The following RPS23 variants were observed in gnomAD, a reference collection of about 807,000 sequenced individuals.
RPS23 encodes ribosomal protein S23.
For missense variants in RPS23, 73 were observed against 174.5 expected, an observed-to-expected ratio of 0.42 and a Z score of 3.28; for synonymous variants, 66 against 60.4, an observed-to-expected ratio of 1.09 and a Z score of -0.43.
rs374894611 is a variant in RPS23, at chr5:82,276,845, C to CAA, written c.165-329_165-328dup. The stretch of plus-strand genomic sequence containing the variant: ...GCCTGTGTGACAAGGGACCCTATCT[C>CAA]AAAAAAAAAAAAAGAAAAAAGAAAA... On this transcript the variant is annotated intron_variant, in intron 2 of 3. Transcript: ENST00000296674. 486 of 133,958 alleles carry CAA rather than the reference C, an allele frequency of 3.6e-3. 24 individuals carry two copies. The highest frequency in any genetic ancestry group is 7.7e-3 in the East Asian group (39 of 5,054). 8.3% of individuals were successfully genotyped at this position (133,958 alleles called of 1,614,324 possible). A position where few individuals can be genotyped will look rare whatever the true frequency, so the allele number is the denominator to read the frequency against.
rs751163687 is a variant in RPS23 at position 82,276,320 on chromosome 5, G to T, written c.286-65C>A. 2.4e-5 allele frequency: 38 copies of T among 1,612,074 alleles called. No individual in the cohort carries two copies. In the South Asian group the frequency reaches 3.8e-4, roughly 16 times the overall value. On this transcript the variant is annotated intron_variant, in intron 3 of 3. Transcript: ENST00000296674. The stretch of plus-strand genomic sequence containing the variant: ...GATCACAAAAATACTTTCATGTGAG[G>T]AAACTCCCTTGCATCAGATAAAAAT...
At chr5:82,276,632 T>C (rs866039338) in intron 2 of RPS23, 114 bp from the exon 3 acceptor site, 1 of 1,352,656 alleles carries the variant, frequency 7.4e-7, no homozygotes. Context: ...TAACCTCAAA[T>C]GGCTGAGCTG....
In RPS23 at chr5:82,275,374, G is replaced by A. The variant is rs114760099; in HGVS notation, c.*735C>T. 1,137 of 700,820 alleles carry A rather than the reference G, an allele frequency of 1.6e-3. 11 individuals are homozygous for A. The African/African-American group carries it at 0.018, about 11-fold the overall frequency. 43.4% of individuals were successfully genotyped at this position (700,820 alleles called of 1,614,324 possible). A position where few individuals can be genotyped will look rare whatever the true frequency, so the allele number is the denominator to read the frequency against. ...AAATTATCAAAACACAACCAATCTT[G>A]TCTCTACACTAAACCACTTCATTTG... On this transcript the variant is annotated 3_prime_UTR_variant, in exon 4 of 4. Coordinates refer to ENST00000296674, the MANE Select transcript of RPS23 (RefSeq NM_001025.5).
At position 82,275,044 on chromosome 5, in the gene RPS23, G is replaced by T; in HGVS notation, c.*1065C>A. 1.7e-6 allele frequency: 1 copy of T among 581,510 alleles called. No individual in the cohort carries two copies. The allele number at this position is 581,510 out of a possible 1,614,324, so 36.0% of individuals were successfully genotyped here. On this transcript the variant is annotated 3_prime_UTR_variant, in exon 4 of 4. Transcript: ENST00000296674. ...GCCAAGGAGAGAAATGGCAGGCTAA[G>T]GCTGGAATATGCAGGTATGAAGCGC...
At chr5:82,276,581 A>G in intron 2 of RPS23, 63 bp from the exon 3 acceptor site, 1 of 1,585,696 alleles carries the variant, frequency 6.3e-7, no homozygotes, top group Admixed American at 1.7e-5. Context: ...TTTTCATATT[A>G]ACTAGAGAAC....
Position 82,275,778 on chromosome 5 carries a change from A to C in RPS23, c.*331T>G, listed in dbSNP as rs1747759941. 1 of 278,146 alleles carries C rather than the reference A, an allele frequency of 3.6e-6. No homozygotes were observed. Among genetic ancestry groups the C allele is most frequent in the East Asian group, 7.1e-5 (1 of 14,114 alleles). 17.2% of individuals were successfully genotyped at this position (278,146 alleles called of 1,614,324 possible). ...AAAGAAAGTATCTCACTAGAATTTC[A>C]GTGAGTTTTTGAAGTTCCCTTAAAG... On this transcript the variant is annotated 3_prime_UTR_variant, in exon 4 of 4. Transcript: ENST00000296674.
At position 82,273,793 on chromosome 5, in the gene RPS23, G is replaced by C. The variant is rs1747710963; in HGVS notation, c.*2316C>G. The C allele has an allele frequency of 6.6e-6, 1 of 152,190 alleles. No homozygotes were observed. Among genetic ancestry groups the C allele is most frequent in the Non-Finnish European group, 1.5e-5 (1 of 68,046 alleles). 9.4% of individuals were successfully genotyped at this position (152,190 alleles called of 1,614,324 possible). On this transcript the variant is annotated 3_prime_UTR_variant, in exon 4 of 4. Coordinates refer to ENST00000296674, the MANE Select transcript of RPS23 (RefSeq NM_001025.5). ...GATGATCTTGAACTCCTGGCCTCAA[G>C]CTATTAATTTCTTCCCAACTCAGCC...
intron 2 of RPS23, 46 bp downstream of exon 2, chr5:82,277,647 C>T: frequency 6.3e-7 from 1 of 1,582,774 alleles, no homozygotes; most frequent in Middle Eastern, 2.1e-4. Flanking sequence ...GTTCATGTCT[C>T]GAATTCCTAT....
In RPS23 at chr5:82,275,176, C is replaced by T. The variant is rs554957205; in HGVS notation, c.*933G>A. 4 of 701,056 alleles carry T rather than the reference C, an allele frequency of 5.7e-6. No homozygotes were observed. Among genetic ancestry groups the T allele is most frequent in the South Asian group, 4.5e-5 (3 of 67,272 alleles). The allele number at this position is 701,056 out of a possible 1,614,324, so 43.4% of individuals were successfully genotyped here. A position where few individuals can be genotyped will look rare whatever the true frequency, so the allele number is the denominator to read the frequency against. On this transcript the variant is annotated 3_prime_UTR_variant, in exon 4 of 4. Transcript: ENST00000296674. ...AGATCCTAAACAATGTAAAGCTAGG[C>T]TTTGATCAAAGGGCTAATTAACCCA...
Position 82,276,001 on chromosome 5 carries a change from T to G in RPS23, c.*108A>C. The G allele has an allele frequency of 3.0e-6, 3 of 997,270 alleles. No homozygotes were observed. The highest frequency in any genetic ancestry group is 1.7e-5 in the South Asian group (1 of 59,302). 61.8% of individuals were successfully genotyped at this position (997,270 alleles called of 1,614,324 possible). ...TTAGGATAAAAAAAATAAGGGGGGG[T>G]GGTGGTGGTAATGAACATGATCTTC... On this transcript the variant is annotated 3_prime_UTR_variant, in exon 4 of 4. Transcript: ENST00000296674.
In RPS23 at chr5:82,275,111, A is replaced by G; in HGVS notation, c.*998T>C. 1 of 658,392 alleles carries G rather than the reference A, an allele frequency of 1.5e-6. No homozygotes were observed. The highest frequency in any genetic ancestry group is 1.8e-5 in the African/African-American group (1 of 56,064). 40.8% of individuals were successfully genotyped at this position (658,392 alleles called of 1,614,324 possible). A position where few individuals can be genotyped will look rare whatever the true frequency, so the allele number is the denominator to read the frequency against. ...TGCCATGTGAAAGGTTCTGCTCTTG[A>G]TCCTACGGAAAGTGGGCAACCAAAC... is the stretch of plus-strand genomic sequence containing the variant. On this transcript the variant is annotated 3_prime_UTR_variant, in exon 4 of 4. Coordinates refer to ENST00000296674, the MANE Select transcript of RPS23 (RefSeq NM_001025.5).
intron 1 of RPS23, 64 bp from the exon 2 acceptor site, chr5:82,277,916 A>G: frequency 7.1e-7 from 1 of 1,417,250 alleles, no homozygotes; most frequent in Non-Finnish European, 9.8e-7. Context: ...CCATCTTCTA[A>G]GACACTCGCC....
At chr5:82,278,286 T>C (rs1748015079) in intron 1 of RPS23, 34 bp downstream of exon 1, 5 of 1,588,832 alleles carry the variant, frequency 3.1e-6, no homozygotes, top group East Asian at 2.3e-5. Context: ...CAAGTCCCGC[T>C]TGCAGCGCCC....
rs1246253393 is a variant in RPS23, at chr5:82,277,855, A to G, written c.5-3T>C. 4 of 1,610,212 alleles carry G rather than the reference A, an allele frequency of 2.5e-6. No homozygotes were observed. In the East Asian group the frequency reaches 6.7e-5, roughly 27 times the overall value. On this transcript the variant is annotated splice_polypyrimidine_tract_variant and splice_region_variant and intron_variant, in intron 1 of 3. Transcript: ENST00000296674. Reference sequence around the variant, plus strand: ...AGTACGAAGTCCACGACACTTGCCTAAAAATTAAATATTTTAGTTCTTCCG... The same window carrying G: ...AGTACGAAGTCCACGACACTTGCCTGAAAATTAAATATTTTAGTTCTTCCG...
At position 82,274,894 on chromosome 5, in the gene RPS23, A is replaced by C; in HGVS notation, c.*1215T>G. 1 of 293,234 alleles carries C rather than the reference A, an allele frequency of 3.4e-6. No homozygotes were observed. The highest frequency in any genetic ancestry group is 6.4e-6 in the Non-Finnish European group (1 of 155,538). The allele number at this position is 293,234 out of a possible 1,614,324, so 18.2% of individuals were successfully genotyped here. A position where few individuals can be genotyped will look rare whatever the true frequency, so the allele number is the denominator to read the frequency against. On this transcript the variant is annotated 3_prime_UTR_variant, in exon 4 of 4. Coordinates refer to ENST00000296674, the MANE Select transcript of RPS23 (RefSeq NM_001025.5). Reference sequence around the variant, plus strand: ...ACCGAAGTGTGCTGGAAAACACACGAGCTCTTTAGTAAGAGCAGGCGACAT... The same window carrying C: ...ACCGAAGTGTGCTGGAAAACACACGCGCTCTTTAGTAAGAGCAGGCGACAT...
intron 1 of RPS23, 41 bp downstream of exon 1, chr5:82,278,279 G>A (rs1748013538): frequency 1.3e-6 from 2 of 1,545,878 alleles, no homozygotes; most frequent in Non-Finnish European, 1.8e-6. Flanking sequence ...AAGACCCCAA[G>A]TCCCGCTTGC....
chr5:82,278,189 G>C lies in RPS23; in HGVS notation c.4+131C>G, dbSNP rs1481219749. 5.0e-5 allele frequency: 42 copies of C among 843,578 alleles called. No homozygotes were observed. The East Asian group carries it at 1.1e-3, about 23-fold the overall frequency. The allele number at this position is 843,578 out of a possible 1,614,324, so 52.3% of individuals were successfully genotyped here. Reference sequence around the variant, plus strand: ...GCCGGACCACGTGCCTCCTGGAGCGGCGCTTCCCCGGCCCTCCCCCATGGA... The same window carrying C: ...GCCGGACCACGTGCCTCCTGGAGCGCCGCTTCCCCGGCCCTCCCCCATGGA... On this transcript the variant is annotated intron_variant, in intron 1 of 3. Coordinates refer to ENST00000296674, the MANE Select transcript of RPS23 (RefSeq NM_001025.5).
At chr5:82,277,268 G>T (rs1005019176) in intron 2 of RPS23, 9 of 191,834 alleles carry the variant, frequency 4.7e-5, no homozygotes, top group Admixed American at 1.2e-4. Flanking sequence ...ATTTTAAAAA[G>T]TCAAAACCAG....
Position 82,274,069 on chromosome 5 carries a change from TG to T in RPS23, c.*2039del, listed in dbSNP as rs1456780438. Reference sequence around the variant, plus strand: ...CATTTTGAGTTAAGTTTGTATTACATGTAAGGTTGGGGTTCCTTTGTTTTGG... The same window carrying T: ...CATTTTGAGTTAAGTTTGTATTACATTAAGGTTGGGGTTCCTTTGTTTTGG... On this transcript the variant is annotated 3_prime_UTR_variant, in exon 4 of 4. Transcript: ENST00000296674. The T allele has an allele frequency of 6.6e-6, 1 of 152,260 alleles. No individual in the cohort carries two copies. Among genetic ancestry groups the T allele is most frequent in the African/African-American group, 2.4e-5 (1 of 41,466 alleles). 9.4% of individuals were successfully genotyped at this position (152,260 alleles called of 1,614,324 possible).
Sources: gnomAD v4.1 joint callset for allele counts on GRCh38, gnomAD v4.1.1 for gene constraint, MANE v1.5 for transcripts, NCBI Gene and HGNC (gene_info 2026-07-23, HGNC 2026-07-21) for gene names.